GDPD3: variants seen among roughly 807,000 people sequenced by gnomAD.
GDPD3 encodes lysophospholipase D GDPD3.
Under a neutral mutation model 43.7 loss-of-function variants are expected in GDPD3, and 40 were observed. That is an observed-to-expected ratio of 0.91 (90% CI 0.71 to 1.19). GDPD3 has a LOEUF of 1.19. Ranked by LOEUF, GDPD3 falls within the 50% of genes most tolerant of loss-of-function variation. The pLI, the probability that GDPD3 is intolerant of heterozygous loss-of-function variation, is 0.00. For missense variants in GDPD3, 363 were observed against 415.8 expected, an observed-to-expected ratio of 0.87 and a Z score of 1.11; for synonymous variants, 145 against 162.9, an observed-to-expected ratio of 0.89 and a Z score of 0.84.
At chr16:30,108,999 T>A (rs986298733) in intron 7 of GDPD3, among the ~76,000 whole-genome samples, 7 of 151,918 alleles carry the variant, frequency 4.6e-5, no homozygotes, top group Non-Finnish European at 8.8e-5. Flanking sequence ...GCCTGCTAAT[T>A]TTTTGTATTT....
chr16:30,111,304 G>A (rs913994164), intron 7 of GDPD3, 84 bp downstream of exon 7: 1 of 1,466,978 alleles, frequency 6.8e-7, no homozygotes. Flanking sequence ...GAGGGGAGCT[G>A]GGGAGCTGGG....
intron 7 of GDPD3, chr16:30,108,633 G>A: frequency 1.8e-6 from 1 of 562,798 alleles, no homozygotes; most frequent in East Asian, 3.0e-5. Flanking sequence ...CTTCAAGGGT[G>A]TGGCCCTCCA....
intron 7 of GDPD3, among the ~76,000 whole-genome samples, chr16:30,109,338 C>T (rs1286293580): frequency 1.3e-5 from 2 of 152,114 alleles, no homozygotes; most frequent in East Asian, 3.9e-4. Context: ...GGCGAAACGC[C>T]GTCTCTACTA....
Position 30,108,040 on chromosome 16 carries a change from CGTGTGT to C in GDPD3, c.819+167_819+172del, listed in dbSNP as rs149175898. 6.3e-5 allele frequency: 33 copies of C among 524,990 alleles called. 1 individual carries two copies. The East Asian group carries it at 9.9e-4, about 16-fold the overall frequency. The allele number at this position is 524,990 out of a possible 1,614,324, so 32.5% of individuals were successfully genotyped here. A position where few individuals can be genotyped will look rare whatever the true frequency, so the allele number is the denominator to read the frequency against. ...ACAGAAGAAGAAAATTGTGTGTGTTCGTGTGTGTGTGTGTGTGTATCCAGAGAGTTA... is the reference window on the plus strand; with the variant it reads ...ACAGAAGAAGAAAATTGTGTGTGTTCGTGTGTGTGTGTATCCAGAGAGTTA... On this transcript the variant is annotated intron_variant, in intron 9 of 9. Transcript: ENST00000406256.
At chr16:30,105,239 CAGG>C (rs1448204358) in intron 9 of GDPD3, among the ~76,000 whole-genome samples, 2 of 152,062 alleles carry the variant, frequency 1.3e-5, no homozygotes, top group Non-Finnish European at 2.9e-5. Flanking sequence ...GACGCCGAGG[CAGG>C]AGTTGAGGCC....
chr16:30,111,282 G>A lies in GDPD3; in HGVS notation c.707+106C>T, dbSNP rs2072896666. 11 of 1,285,826 alleles carry A rather than the reference G, an allele frequency of 8.6e-6. No homozygotes were observed. In the South Asian group the frequency reaches 1.1e-4, roughly 13 times the overall value. The allele number at this position is 1,285,826 out of a possible 1,614,324, so 79.7% of individuals were successfully genotyped here. A position where few individuals can be genotyped will look rare whatever the true frequency, so the allele number is the denominator to read the frequency against. ...GAACCACTGTCCTTAAAAGACCTTG[G>A]GGGTTATCTCTGAGGGGAGCTGGGG... On this transcript the variant is annotated intron_variant, in intron 7 of 9. Transcript: ENST00000406256.
At chr16:30,111,218 G>A in intron 7 of GDPD3, 170 bp downstream of exon 7, 1 of 707,382 alleles carries the variant, frequency 1.4e-6, no homozygotes, top group South Asian at 1.9e-5. Flanking sequence ...GAATTTCAGG[G>A]TGTTCACAGT....
intron 9 of GDPD3, among the ~76,000 whole-genome samples, chr16:30,106,020 A>G (rs1284525690): frequency 6.6e-6 from 1 of 151,948 alleles, no homozygotes. Flanking sequence ...CTGAGGCAGG[A>G]GAATCGCTTG....
rs780554460 is a variant in GDPD3 at position 30,111,416 on chromosome 16, A to C, written c.679T>G (p.Phe227Val). ...PFIPIPEKFFFCFLPNIINRT... is the reference protein window; with the variant it reads ...PFIPIPEKFFVCFLPNIINRT... ...TTGATGATGTTGGGCAGGAAGCAGAAGAAGAACTTCTCAGGGATTGGGATG... is the reference window on the plus strand; with the variant it reads ...TTGATGATGTTGGGCAGGAAGCAGACGAAGAACTTCTCAGGGATTGGGATG... The change falls in exon 7 of 10, where the codon TTC becomes GTC. Residue 227 changes from phenylalanine to valine, a missense_variant. Transcript: ENST00000406256. The C allele has an allele frequency of 4.3e-6, 7 of 1,614,020 alleles. No homozygotes were observed. The highest frequency in any genetic ancestry group is 1.1e-5 in the South Asian group (1 of 91,070).
At position 30,113,068 on chromosome 16, in the gene GDPD3, T is replaced by TG. The variant is rs1339072232; in HGVS notation, c.140-5dup. 9.3e-6 allele frequency: 15 copies of TG among 1,612,434 alleles called. No individual in the cohort carries two copies. The Middle Eastern group carries it at 9.9e-4, about 106-fold the overall frequency. ...TTCTCCAGCAGCTCTCCAGATCCTG[T>TG]GGGGGGCACTGGAGTGGGCCTCTGG... On this transcript the variant is annotated splice_polypyrimidine_tract_variant and splice_region_variant and intron_variant, in intron 1 of 9. Coordinates refer to ENST00000406256, the MANE Select transcript of GDPD3 (RefSeq NM_024307.3). The surrounding 1 kb of genome is among the most constrained non-coding windows in gnomAD (Gnocchi z 5.9).
chr16:30,109,617 A>G (rs1435442499), intron 7 of GDPD3, among the ~76,000 whole-genome samples: 2 of 151,736 alleles, frequency 1.3e-5, no homozygotes, highest in Non-Finnish European at 2.9e-5. Context: ...GACCACCCTG[A>G]CCAACATGGA....
intron 9 of GDPD3, 56 bp from the exon 10 acceptor site, chr16:30,105,065 G>A (rs1328243231): frequency 8.2e-6 from 12 of 1,460,860 alleles, no homozygotes; most frequent in Non-Finnish European, 9.4e-7. Context: ...TCTGGAGAGT[G>A]GGGACCCACC....
intron 9 of GDPD3, among the ~76,000 whole-genome samples, chr16:30,106,650 G>A (rs958225530): frequency 4.6e-5 from 7 of 152,254 alleles, no homozygotes; most frequent in Middle Eastern, 6.8e-3. Flanking sequence ...TCCCACCTCA[G>A]CCTCCTAACT....
Position 30,113,062 on chromosome 16 carries a change from A to C in GDPD3, c.142T>G (p.Ser48Ala), listed in dbSNP as rs1408430247. ...RIRLGAHRGG[S>A]GELLENTMEA... Reference sequence around the variant, plus strand: ...ATGGTGTTCTCCAGCAGCTCTCCAGATCCTGTGGGGGGCACTGGAGTGGGC... The same window carrying C: ...ATGGTGTTCTCCAGCAGCTCTCCAGCTCCTGTGGGGGGCACTGGAGTGGGC... The change falls in exon 2 of 10, where the codon TCT becomes GCT. Residue 48 changes from serine (S) to alanine (A), a missense_variant and splice_region_variant. Transcript: ENST00000406256. The surrounding 1 kb of genome is among the most constrained non-coding windows in gnomAD (Gnocchi z 5.9). The C allele has an allele frequency of 1.2e-6, 2 of 1,612,918 alleles. No homozygotes were observed. Among genetic ancestry groups the C allele is most frequent in the Admixed American group, 1.7e-5 (1 of 59,962 alleles).
chr16:30,108,294 A>G (rs1462872868), intron 8 of GDPD3, 30 bp from the exon 9 acceptor site: 1 of 1,612,678 alleles, frequency 6.2e-7, no homozygotes, highest in Non-Finnish European at 8.5e-7. Context: ...GTGGGAGGTG[A>G]TGATGAGAGG....
At chr16:30,108,976 T>C (rs567226359) in intron 7 of GDPD3, among the ~76,000 whole-genome samples, 44 of 151,548 alleles carry the variant, frequency 2.9e-4, no homozygotes, top group Middle Eastern at 3.4e-3. Flanking sequence ...GGACTACAGG[T>C]GCCCGCCACC....
chr16:30,106,851 G>A (rs1327804482), intron 9 of GDPD3, among the ~76,000 whole-genome samples: 1 of 151,998 alleles, frequency 6.6e-6, no homozygotes, highest in Non-Finnish European at 1.5e-5. Context: ...TGGGATTACA[G>A]GCATGCGCCA....
chr16:30,106,200 C>A (rs2072859938), intron 9 of GDPD3, among the ~76,000 whole-genome samples: 1 of 152,114 alleles, frequency 6.6e-6, no homozygotes, highest in Non-Finnish European at 1.5e-5. Context: ...AATCAGTTTC[C>A]TATTACTGTG....
Position 30,112,998 on chromosome 16 carries a change from C to T in GDPD3, c.182+24G>A, listed in dbSNP as rs1309186054. 9 of 1,609,728 alleles carry T rather than the reference C, an allele frequency of 5.6e-6. No homozygotes were observed. Among genetic ancestry groups the T allele is most frequent in the Non-Finnish European group, 7.6e-6 (9 of 1,176,628 alleles). On this transcript the variant is annotated intron_variant, in intron 2 of 9. Transcript: ENST00000406256. This position sits in a 1 kb window ranked among gnomAD's most constrained non-coding sequence, Gnocchi z 5.4. ...GACCTGCACACCCTCACATGGCAGC[C>T]TGGGCAGGGGCAGATACACTCACTT...
Sources: gnomAD v4.1 joint callset for allele counts (sites outside exome capture counted in the v4.1 genomes callset) on GRCh38, gnomAD v4.1.1 for gene constraint, Gnocchi (gnomAD v3.1) non-coding constraint, MANE v1.5 for transcripts, NCBI Gene and HGNC (gene_info 2026-07-23, HGNC 2026-07-21) for gene names.